RNU7-1: variants seen among roughly 807,000 people sequenced by gnomAD.
RNU7-1 encodes RNA, small nuclear U7.
exon 1 of RNU7-1, chr12:6,943,855 C>A: frequency 1.1e-6 from 1 of 933,154 alleles, no homozygotes; most frequent in Non-Finnish European, 1.5e-6. Context: ...AGTAGGCTTT[C>A]TGGCTTTTTA....
rs180837208 is a variant in RNU7-1, at chr12:6,943,843, C to T, written n.28C>T. 6.5e-4 allele frequency: 579 copies of T among 888,466 alleles called. No homozygotes were observed. Among genetic ancestry groups the T allele is most frequent in the Non-Finnish European group, 7.4e-4 (462 of 626,914 alleles). The allele number at this position is 888,466 out of a possible 1,614,324, so 55.0% of individuals were successfully genotyped here. A position where few individuals can be genotyped will look rare whatever the true frequency, so the allele number is the denominator to read the frequency against. On this transcript the variant is annotated non_coding_transcript_exon_variant, in exon 1 of 1. Coordinates refer to ENST00000458811, the Ensembl canonical transcript of RNU7-1. ...GTGTTACAGCTCTTTTAGAATTTGT[C>T]TAGTAGGCTTTCTGGCTTTTTACCG...
In RNU7-1 at chr12:6,943,843, C is replaced by G. The variant is rs180837208; in HGVS notation, n.28C>G. 6.9e-5 allele frequency: 61 copies of G among 888,472 alleles called. No individual in the cohort carries two copies. Among genetic ancestry groups the G allele is most frequent in the Middle Eastern group, 3.7e-4 (1 of 2,706 alleles). The allele number at this position is 888,472 out of a possible 1,614,324, so 55.0% of individuals were successfully genotyped here. A position where few individuals can be genotyped will look rare whatever the true frequency, so the allele number is the denominator to read the frequency against. On this transcript the variant is annotated non_coding_transcript_exon_variant, in exon 1 of 1. Coordinates refer to ENST00000458811, the Ensembl canonical transcript of RNU7-1. ...GTGTTACAGCTCTTTTAGAATTTGT[C>G]TAGTAGGCTTTCTGGCTTTTTACCG...
chr12:6,943,830 T>A, exon 1 of RNU7-1: 1 of 868,710 alleles, frequency 1.2e-6, no homozygotes, highest in Non-Finnish European at 1.6e-6. Flanking sequence ...GTTACAGCTC[T>A]TTTAGAATTT....
At chr12:6,943,851 C>A (rs116861153) in exon 1 of RNU7-1, 2 of 900,886 alleles carry the variant, frequency 2.2e-6, no homozygotes, top group Non-Finnish European at 1.6e-6. Flanking sequence ...GTCTAGTAGG[C>A]TTTCTGGCTT....
exon 1 of RNU7-1, chr12:6,943,867 C>CG (rs1234047971): frequency 7.5e-6 from 7 of 939,242 alleles, no homozygotes; most frequent in Admixed American, 3.1e-5. Context: ...GGCTTTTTAC[C>CG]GGAAAGCCCC....
In RNU7-1 at chr12:6,943,845, A is replaced by G. The variant is rs781842057; in HGVS notation, n.30A>G. ...GTTACAGCTCTTTTAGAATTTGTCT[A>G]GTAGGCTTTCTGGCTTTTTACCGGA... On this transcript the variant is annotated non_coding_transcript_exon_variant, in exon 1 of 1. Coordinates refer to ENST00000458811, the Ensembl canonical transcript of RNU7-1. 6.8e-5 allele frequency: 61 copies of G among 893,894 alleles called. No homozygotes were observed. The highest frequency in any genetic ancestry group is 7.3e-4 in the Middle Eastern group (2 of 2,734). 55.4% of individuals were successfully genotyped at this position (893,894 alleles called of 1,614,324 possible).
exon 1 of RNU7-1, chr12:6,943,865 A>C (rs782760331): frequency 6.4e-6 from 6 of 934,032 alleles, no homozygotes; most frequent in South Asian, 3.5e-5. Flanking sequence ...CTGGCTTTTT[A>C]CCGGAAAGCC....
At chr12:6,943,867 C>G (rs149374821) in exon 1 of RNU7-1, 87 of 939,360 alleles carry the variant, frequency 9.3e-5, no homozygotes, top group South Asian at 4.9e-4. Context: ...GGCTTTTTAC[C>G]GGAAAGCCCC....
chr12:6,943,817 A>T, exon 1 of RNU7-1: 7 of 839,078 alleles, frequency 8.3e-6, no homozygotes, highest in South Asian at 1.8e-5. Flanking sequence ...CATACGCAGC[A>T]GTGTTACAGC....
chr12:6,943,838 T>G lies in RNU7-1; in HGVS notation n.23T>G, dbSNP rs1188326126. 9.2e-6 allele frequency: 8 copies of G among 869,728 alleles called. No homozygotes were observed. Among genetic ancestry groups the G allele is most frequent in the Middle Eastern group, 3.7e-4 (1 of 2,678 alleles). The allele number at this position is 869,728 out of a possible 1,614,324, so 53.9% of individuals were successfully genotyped here. A position where few individuals can be genotyped will look rare whatever the true frequency, so the allele number is the denominator to read the frequency against. On this transcript the variant is annotated non_coding_transcript_exon_variant, in exon 1 of 1. Transcript: ENST00000458811. ...CAGCAGTGTTACAGCTCTTTTAGAA[T>G]TTGTCTAGTAGGCTTTCTGGCTTTT...
Sources: gnomAD v4.1 joint callset for allele counts on GRCh38, gnomAD v4.1.1 for gene constraint, MANE v1.5 for transcripts, NCBI Gene and HGNC (gene_info 2026-07-23, HGNC 2026-07-21) for gene names.